KCNC2: variants seen among roughly 807,000 people sequenced by gnomAD.
The protein encoded by KCNC2 is potassium voltage-gated channel subfamily C member 2, also known as voltage-gated potassium channel KCNC2.
KCNC2 carries 21 observed loss-of-function variants against 44.5 expected under a neutral mutation model. The ratio of observed to expected loss-of-function variants is 0.47; its 90% CI spans 0.33 to 0.68. The LOEUF (loss-of-function observed/expected upper bound fraction) is 0.68, where lower values mean the gene tolerates loss of function less well. Ranked by LOEUF, KCNC2 falls within the 30% of genes least tolerant of loss-of-function variation. The pLI is 0.01. For missense variants in KCNC2, 589 were observed against 826.2 expected, an observed-to-expected ratio of 0.71 and a Z score of 3.52; for synonymous variants, 391 against 339.1, an observed-to-expected ratio of 1.15 and a Z score of -1.68.
At chr12:75,127,684 G>A (rs1888531711) in intron 2 of KCNC2, among the ~76,000 whole-genome samples, 1 of 152,118 alleles carries the variant, frequency 6.6e-6, no homozygotes, top group Non-Finnish European at 1.5e-5. Flanking sequence ...CACAAAATGT[G>A]TCATGGTTTT....
At position 75,078,535 on chromosome 12, in the gene KCNC2, C is replaced by A. The variant is rs546157244; in HGVS notation, c.688-27218G>T. ...ATAATAGTCAACATTTATAGGGAGG[C>A]CTTACTATACAAATAGTACTGTTCT... On this transcript the variant is annotated intron_variant, in intron 2 of 4. Transcript: ENST00000549446. Among the ~76,000 whole-genome samples the A allele has an allele frequency of 2.6e-5, 4 of 152,204 alleles. 1 individual carries two copies. In the South Asian group the frequency reaches 8.3e-4, roughly 32 times the overall value.
intron 2 of KCNC2, among the ~76,000 whole-genome samples, chr12:75,057,783 T>C (rs1881903673): frequency 6.6e-6 from 1 of 151,902 alleles, no homozygotes; most frequent in African/African-American, 2.4e-5. Context: ...CAATATAACA[T>C]TCACTTCTAA....
At chr12:75,164,009 GA>G (rs768107115) in intron 2 of KCNC2, among the ~76,000 whole-genome samples, 1 of 151,548 alleles carries the variant, frequency 6.6e-6, no homozygotes, top group Non-Finnish European at 1.5e-5. Flanking sequence ...CAATATGAAA[GA>G]AAAGAACCAG....
intron 2 of KCNC2, among the ~76,000 whole-genome samples, chr12:75,188,403 A>G (rs1295683865): frequency 6.6e-6 from 1 of 152,342 alleles, no homozygotes; most frequent in Non-Finnish European, 1.5e-5. Flanking sequence ...ATAAAAATAT[A>G]AGATCCTTAT....
At chr12:75,151,206 T>G (rs1424294665) in intron 2 of KCNC2, among the ~76,000 whole-genome samples, 1 of 151,934 alleles carries the variant, frequency 6.6e-6, no homozygotes, top group African/African-American at 2.4e-5. Flanking sequence ...ACCCTTTATT[T>G]GTATGAAACC....
At chr12:75,167,425 G>A (rs189053193) in intron 2 of KCNC2, among the ~76,000 whole-genome samples, 2 of 151,300 alleles carry the variant, frequency 1.3e-5, no homozygotes, top group African/African-American at 4.8e-5. Context: ...AGCTTCTTAT[G>A]AATCACAGTT....
Position 75,048,295 on chromosome 12 carries a change from T to C in KCNC2, c.1638A>G (p.Thr546=), listed in dbSNP as rs1372742484. 4 of 1,612,136 alleles carry C rather than the reference T, an allele frequency of 2.5e-6. No homozygotes were observed. Among genetic ancestry groups the C allele is most frequent in the Non-Finnish European group, 3.4e-6 (4 of 1,179,048 alleles). The change falls in exon 4 of 5, where the codon ACA becomes ACG. Residue 546 remains threonine, a synonymous_variant. Coordinates refer to ENST00000549446, the MANE Select transcript of KCNC2 (RefSeq NM_139137.4). ...NRSVLSGDDS[T]GSEPPLSPPE... The stretch of plus-strand genomic sequence containing the variant: ...GGGGTGATAGTGGCGGCTCACTTCC[T>C]GTACTGTCGTCACCTGATAACACTG...
chr12:75,109,061 G>A (rs543040926), intron 2 of KCNC2, among the ~76,000 whole-genome samples: 1 of 152,092 alleles, frequency 6.6e-6, no homozygotes, highest in African/African-American at 2.4e-5. Flanking sequence ...TGCAACAGTG[G>A]GCAGGCTGCT....
At chr12:75,075,484 C>CAT (rs1883867897) in intron 2 of KCNC2, among the ~76,000 whole-genome samples, 1 of 123,566 alleles carries the variant, frequency 8.1e-6, no homozygotes, top group Non-Finnish European at 1.8e-5. Flanking sequence ...TATATATATA[C>CAT]ACATATATAT....
chr12:75,161,442 A>G (rs1457431052), intron 2 of KCNC2, among the ~76,000 whole-genome samples: 24 of 151,750 alleles, frequency 1.6e-4, no homozygotes, highest in Non-Finnish European at 8.8e-5. Context: ...ACTCTGATTG[A>G]TACCTTTTAA....
chr12:75,070,847 T>C (rs1335907279), intron 2 of KCNC2, among the ~76,000 whole-genome samples: 1 of 152,108 alleles, frequency 6.6e-6, no homozygotes, highest in African/African-American at 2.4e-5. Context: ...TAGAATAAGA[T>C]GTTAATTCAT....
At chr12:75,158,927 C>T (rs12227906) in intron 2 of KCNC2, among the ~76,000 whole-genome samples, 1 of 151,780 alleles carries the variant, frequency 6.6e-6, no homozygotes. Flanking sequence ...ATGACAAAAA[C>T]GTCTTTACAA....
chr12:75,074,099 G>C (rs139165904), intron 2 of KCNC2, among the ~76,000 whole-genome samples: 144 of 152,202 alleles, frequency 9.5e-4, no homozygotes, highest in Middle Eastern at 3.4e-3. Flanking sequence ...AGTTTAAAAT[G>C]ATGGTTGGTT....
intron 2 of KCNC2, among the ~76,000 whole-genome samples, chr12:75,171,305 G>C (rs1891803188): frequency 6.6e-6 from 1 of 151,750 alleles, no homozygotes; most frequent in Non-Finnish European, 1.5e-5. Flanking sequence ...CCTCAACCAT[G>C]CTGAAGGGAA....
intron 4 of KCNC2, among the ~76,000 whole-genome samples, chr12:75,046,606 TATG>T (rs984289320): frequency 1.3e-4 from 19 of 151,862 alleles, no homozygotes; most frequent in Admixed American, 2.0e-4. Context: ...ATTAGTTTGA[TATG>T]ATGATTATTA....
At chr12:75,158,237 C>T (rs548232284) in intron 2 of KCNC2, among the ~76,000 whole-genome samples, 1 of 151,966 alleles carries the variant, frequency 6.6e-6, no homozygotes, top group African/African-American at 2.4e-5. Context: ...AGCATCATTA[C>T]TTCATAAGCC....
At chr12:75,194,996 T>G (rs1039798165) in intron 2 of KCNC2, among the ~76,000 whole-genome samples, 8 of 152,184 alleles carry the variant, frequency 5.3e-5, no homozygotes, top group African/African-American at 1.9e-4. Flanking sequence ...GTGAGTTTTA[T>G]GTAAAGCAAT....
chr12:75,166,778 A>AT (rs915453044), intron 2 of KCNC2, among the ~76,000 whole-genome samples: 6 of 151,352 alleles, frequency 4.0e-5, no homozygotes, highest in Non-Finnish European at 7.4e-5. Context: ...AACAAAAAAA[A>AT]CACTAAAACT....
chr12:75,049,958 A>C (rs571559749), intron 3 of KCNC2, among the ~76,000 whole-genome samples: 1 of 152,184 alleles, frequency 6.6e-6, no homozygotes, highest in African/African-American at 2.4e-5. Context: ...AATTAGGTTG[A>C]GATGCATGGC....
Sources: allele counts gnomAD v4.1 joint callset (sites outside exome capture counted in the v4.1 genomes callset), GRCh38; gene constraint gnomAD v4.1.1; transcripts MANE v1.5; gene names NCBI Gene and HGNC (gene_info 2026-07-23, HGNC 2026-07-21).